The following PACRG variants were observed in gnomAD, a reference collection of about 807,000 sequenced individuals.
PACRG encodes the protein parkin coregulated gene protein.
Under a neutral mutation model 29.7 loss-of-function variants are expected in PACRG, and 29 were observed. The observed-to-expected ratio is 0.98, with a 90% confidence interval of 0.73 to 1.33. PACRG has a LOEUF of 1.33. PACRG is among the 40% of genes most tolerant of loss of function. The pLI is 0.00. For synonymous variants in PACRG, 116 were observed against 118.7 expected, an observed-to-expected ratio of 0.98 and a Z score of 0.15; for missense variants, 279 against 316.2, an observed-to-expected ratio of 0.88 and a Z score of 0.89.
intron 4 of PACRG, among the ~76,000 whole-genome samples, chr6:163,289,933 C>T (rs1033876163): frequency 3.3e-5 from 5 of 152,030 alleles, no homozygotes; most frequent in South Asian, 2.1e-4. Context: ...CCGCAACCTC[C>T]GCCTCCCAGG....
chr6:162,796,953 A>G (rs1376780814), intron 1 of PACRG, among the ~76,000 whole-genome samples: 1 of 152,240 alleles, frequency 6.6e-6, no homozygotes, highest in Non-Finnish European at 1.5e-5. Flanking sequence ...GTTCATAGCA[A>G]CAATTATCTT....
intron 4 of PACRG, among the ~76,000 whole-genome samples, chr6:163,121,578 C>G (rs1251567833): frequency 1.3e-5 from 2 of 151,840 alleles, no homozygotes; most frequent in Non-Finnish European, 2.9e-5. Context: ...CATCACTTCT[C>G]AGTCATAAAA....
chr6:162,830,410 G>T (rs960159284), intron 2 of PACRG, among the ~76,000 whole-genome samples: 1 of 152,122 alleles, frequency 6.6e-6, no homozygotes, highest in Non-Finnish European at 1.5e-5. Context: ...AAACTCCCAG[G>T]TCTCCCGCTG....
At chr6:163,078,090 T>C (rs1165214764) in intron 3 of PACRG, among the ~76,000 whole-genome samples, 1 of 152,200 alleles carries the variant, frequency 6.6e-6, no homozygotes, top group Non-Finnish European at 1.5e-5. Flanking sequence ...TAGTGTAATG[T>C]GATGTTGAGG....
chr6:163,007,742 CA>C (rs1471157400), intron 2 of PACRG, among the ~76,000 whole-genome samples: 1 of 152,162 alleles, frequency 6.6e-6, no homozygotes, highest in African/African-American at 2.4e-5. Flanking sequence ...TCAGGCATAA[CA>C]ATTAATCAGG....
At chr6:162,923,867 T>A (rs1797235857) in intron 2 of PACRG, among the ~76,000 whole-genome samples, 1 of 152,100 alleles carries the variant, frequency 6.6e-6, no homozygotes, top group Non-Finnish European at 1.5e-5. Context: ...CTTAGGGGAC[T>A]TTTTTGGTTC....
chr6:162,832,413 A>C (rs1178131946), intron 2 of PACRG, among the ~76,000 whole-genome samples: 2 of 152,086 alleles, frequency 1.3e-5, no homozygotes, highest in Non-Finnish European at 2.9e-5. Flanking sequence ...CATGAAATCT[A>C]AATATGCCTT....
intron 1 of PACRG, among the ~76,000 whole-genome samples, chr6:162,787,180 G>C (rs9365491): frequency 0.66 from 99,623 of 151,780 alleles, 33,289 homozygotes; most frequent in South Asian, 0.82. Context: ...ACTGAGAAGA[G>C]CTACCAATTT....
At chr6:163,050,404 A>G (rs1420003781) in intron 2 of PACRG, among the ~76,000 whole-genome samples, 5 of 152,132 alleles carry the variant, frequency 3.3e-5, no homozygotes, top group Admixed American at 1.3e-4. Context: ...CCTTTCTAGT[A>G]TCTTAGCCCC....
intron 2 of PACRG, among the ~76,000 whole-genome samples, chr6:163,047,856 C>T (rs1320556222): frequency 6.6e-6 from 1 of 152,164 alleles, no homozygotes; most frequent in Non-Finnish European, 1.5e-5. Context: ...TTATTTCTGT[C>T]TTCCGTTTAT....
At chr6:163,050,042 A>T (rs1370555787) in intron 2 of PACRG, among the ~76,000 whole-genome samples, 1 of 152,034 alleles carries the variant, frequency 6.6e-6, no homozygotes, top group Admixed American at 6.5e-5. Context: ...ACTGAAGGAC[A>T]TTTTCCCTTT....
intron 4 of PACRG, among the ~76,000 whole-genome samples, chr6:163,308,298 CAAG>C (rs1046909041): frequency 6.6e-6 from 1 of 152,072 alleles, no homozygotes; most frequent in African/African-American, 2.4e-5. Context: ...GCTTAAAAAA[CAAG>C]GAGTAAATAC....
At chr6:163,239,728 A>G (rs1416522518) in intron 4 of PACRG, among the ~76,000 whole-genome samples, 1 of 135,614 alleles carries the variant, frequency 7.4e-6, no homozygotes, top group Non-Finnish European at 1.6e-5. Context: ...ACTCCCACAT[A>G]CACACACACT....
chr6:162,941,514 T>G (rs1798629424), intron 2 of PACRG, among the ~76,000 whole-genome samples: 1 of 152,204 alleles, frequency 6.6e-6, no homozygotes, highest in African/African-American at 2.4e-5. Context: ...AAATGAAATC[T>G]TAGACAGCAA....
At chr6:163,139,512 T>TACC (rs1817070233) in intron 4 of PACRG, among the ~76,000 whole-genome samples, 2 of 152,232 alleles carry the variant, frequency 1.3e-5, no homozygotes, top group African/African-American at 4.8e-5. Context: ...CTAATGGGTA[T>TACC]CTGTTTCACA....
intron 2 of PACRG, among the ~76,000 whole-genome samples, chr6:163,058,814 C>G (rs752028879): frequency 5.9e-5 from 9 of 152,174 alleles, no homozygotes; most frequent in Non-Finnish European, 1.0e-4. Flanking sequence ...GTGGGAGAAT[C>G]GCGTGAACCC....
At chr6:163,243,592 C>T (rs1037551609) in intron 4 of PACRG, among the ~76,000 whole-genome samples, 1 of 152,140 alleles carries the variant, frequency 6.6e-6, no homozygotes, top group African/African-American at 2.4e-5. Context: ...GATGGTGGAC[C>T]ACCCCTCAGC....
intron 4 of PACRG, among the ~76,000 whole-genome samples, chr6:163,114,654 A>T (rs1271125403): frequency 6.6e-6 from 1 of 152,188 alleles, no homozygotes; most frequent in Non-Finnish European, 1.5e-5. Context: ...TAAAATAATC[A>T]AACTTAAAGA....
At chr6:163,030,767 T>C (rs1807586315) in intron 2 of PACRG, among the ~76,000 whole-genome samples, 1 of 152,206 alleles carries the variant, frequency 6.6e-6, no homozygotes, top group Admixed American at 6.5e-5. Context: ...GGGTAACTCC[T>C]GATGTTGCCA....
Sources: gnomAD v4.1 joint callset for allele counts (sites outside exome capture counted in the v4.1 genomes callset) on GRCh38, gnomAD v4.1.1 for gene constraint, MANE v1.5 for transcripts, NCBI Gene and HGNC (gene_info 2026-07-23, HGNC 2026-07-21) for gene names.